The following CPXM2 variants were observed in gnomAD, a reference collection of about 807,000 sequenced individuals.
CPXM2 encodes the protein inactive carboxypeptidase-like protein X2.
CPXM2 carries 66 observed loss-of-function variants against 86.1 expected under a neutral mutation model. The observed-to-expected ratio is 0.77, with a 90% CI of 0.63 to 0.94. CPXM2 has a LOEUF of 0.94. CPXM2 is among the 40% of genes least tolerant of loss of function. CPXM2 has a pLI of 0.00. For synonymous variants in CPXM2, 388 were observed against 400.2 expected (o/e 0.97, Z 0.36); for missense variants, 948 against 1,026.3 (o/e 0.92, Z 1.04).
At chr10:123,783,313 G>A (rs986782281) in intron 6 of CPXM2, among the ~76,000 whole-genome samples, 1 of 152,140 alleles carries the variant, frequency 6.6e-6, no homozygotes, top group African/African-American at 2.4e-5. Context: ...TTTCTTGCAC[G>A]AGGTCCAGGA....
At chr10:123,911,548 G>A (rs967775399) in intron 2 of CPXM2, among the ~76,000 whole-genome samples, 9 of 151,642 alleles carry the variant, frequency 5.9e-5, no homozygotes, top group East Asian at 2.0e-4. Context: ...CATTACTTTC[G>A]CACCAACCTA....
chr10:123,869,414 G>A (rs1481321705), intron 2 of CPXM2, among the ~76,000 whole-genome samples: 1 of 152,150 alleles, frequency 6.6e-6, no homozygotes, highest in Non-Finnish European at 1.5e-5. Context: ...AAGAAAAAAG[G>A]ATCTAATCCT....
chr10:123,816,027 T>C (rs1421627268), intron 4 of CPXM2, among the ~76,000 whole-genome samples: 4 of 152,292 alleles, frequency 2.6e-5, no homozygotes, highest in East Asian at 3.9e-4. Context: ...GATTAGAAGA[T>C]GGCCCACTGT....
intron 2 of CPXM2, among the ~76,000 whole-genome samples, chr10:123,872,224 T>C (rs577716317): frequency 8.5e-5 from 13 of 152,294 alleles, no homozygotes; most frequent in African/African-American, 2.6e-4. Flanking sequence ...AAAAGACTTA[T>C]TCAAGAATAG....
chr10:123,866,658 C>A, intron 2 of CPXM2, among the ~76,000 whole-genome samples: 1 of 152,210 alleles, frequency 6.6e-6, no homozygotes, highest in Non-Finnish European at 1.5e-5. Flanking sequence ...TGGAGGCCCC[C>A]ATCAGGCAGG....
At chr10:123,809,123 A>G (rs1847638966) in intron 4 of CPXM2, among the ~76,000 whole-genome samples, 1 of 152,152 alleles carries the variant, frequency 6.6e-6, no homozygotes, top group South Asian at 2.1e-4. Context: ...CCCATTAGTC[A>G]CTTAGTGGCC....
chr10:123,917,183 C>T (rs1429455630), intron 2 of CPXM2, among the ~76,000 whole-genome samples: 1 of 152,184 alleles, frequency 6.6e-6, no homozygotes, highest in African/African-American at 2.4e-5. Context: ...CCAAAATATT[C>T]ATAACGTTCC....
At position 123,754,827 on chromosome 10, in the gene CPXM2, A is replaced by C; in HGVS notation, c.1918-65T>G. On this transcript the variant is annotated intron_variant, in intron 12 of 13. Coordinates refer to ENST00000241305, the MANE Select transcript of CPXM2 (RefSeq NM_198148.3). The surrounding 1 kb of genome is among the most constrained non-coding windows in gnomAD (Gnocchi z 4.0). ...CAGCTCTGGACACAACCGGCACAAC[A>C]GAGTGGGCTGTCAACCCACCATTGG... 1 of 899,064 alleles carries C rather than the reference A, an allele frequency of 1.1e-6. No homozygotes were observed. The highest frequency in any genetic ancestry group is 1.9e-6 in the Non-Finnish European group (1 of 531,918). The allele number at this position is 899,064 out of a possible 1,614,324, so 55.7% of individuals were successfully genotyped here. A position where few individuals can be genotyped will look rare whatever the true frequency, so the allele number is the denominator to read the frequency against.
Position 123,754,693 on chromosome 10 carries a change from C to T in CPXM2, c.1987G>A (p.Val663Ile), listed in dbSNP as rs138679076. Residue 663 changes from valine to isoleucine, a missense_variant, in exon 13 of 14, where the codon GTA becomes ATA. By Grantham distance (29) the Val-to-Ile change is conservative. Coordinates refer to ENST00000241305, the MANE Select transcript of CPXM2 (RefSeq NM_198148.3). The surrounding 1 kb of genome is among the most constrained non-coding windows in gnomAD (Gnocchi z 4.0). The part of the protein sequence containing the change: ...GKGIPNAIIS[V>I]EGINHDIRTA... The stretch of plus-strand genomic sequence containing the variant: ...CGGATGTCATGGTTAATGCCTTCTA[C>T]GGAGATAATGGCGTTTGGGATTCCT... The T allele has an allele frequency of 2.1e-5, 34 of 1,606,440 alleles. No homozygotes were observed. The highest frequency in any genetic ancestry group is 1.7e-4 in the Middle Eastern group (1 of 6,056).
At chr10:123,748,699 A>T (rs1045977991) in intron 13 of CPXM2, among the ~76,000 whole-genome samples, 2 of 152,112 alleles carry the variant, frequency 1.3e-5, no homozygotes, top group Non-Finnish European at 2.9e-5. Context: ...CTTCAACTAA[A>T]TAAAATGCCA....
intron 2 of CPXM2, among the ~76,000 whole-genome samples, chr10:123,864,956 G>A (rs376334556): frequency 1.5e-3 from 234 of 152,330 alleles, no homozygotes; most frequent in African/African-American, 5.3e-3. Context: ...ATGGGTGCAC[G>A]TCTAATAGCA....
chr10:123,856,203 C>T (rs1399521793), intron 3 of CPXM2, among the ~76,000 whole-genome samples: 1 of 152,140 alleles, frequency 6.6e-6, no homozygotes, highest in Non-Finnish European at 1.5e-5. Flanking sequence ...ATCCTGAGTC[C>T]CAACCACACA....
intron 2 of CPXM2, among the ~76,000 whole-genome samples, chr10:123,912,160 G>A (rs375049606): frequency 3.3e-5 from 5 of 152,018 alleles, no homozygotes; most frequent in African/African-American, 2.4e-5. Context: ...ATCGGTTTCA[G>A]GTGTTTTCTC....
At position 123,780,227 on chromosome 10, in the gene CPXM2, G is replaced by C. The variant is rs376249274; in HGVS notation, c.918C>G (p.Asn306Lys). 3 of 1,609,204 alleles carry C rather than the reference G, an allele frequency of 1.9e-6. No individual in the cohort carries two copies. The highest frequency in any genetic ancestry group is 1.3e-5 in the African/African-American group (1 of 74,808). Residue 306 changes from asparagine to lysine, a missense_variant, in exon 7 of 14, where the codon AAC becomes AAG. Coordinates refer to ENST00000241305, the MANE Select transcript of CPXM2 (RefSeq NM_198148.3). ...CCAGGTCATCAGTGGTGGTCATCTC[G>C]TTCCGGCGGTGATAATAATTATTAG... ...PDPNNYYHRR[N>K]EMTTTDDLDF...
At chr10:123,820,397 T>A (rs564195515) in intron 4 of CPXM2, among the ~76,000 whole-genome samples, 1 of 152,114 alleles carries the variant, frequency 6.6e-6, no homozygotes, top group Non-Finnish European at 1.5e-5. Flanking sequence ...GAGGAAGAGC[T>A]TGAGCTCATC....
rs1366410932 is a variant in CPXM2 at position 123,767,164 on chromosome 10, T to A, written c.1300-12A>T. 6.2e-7 allele frequency: 1 copy of A among 1,612,860 alleles called. No individual in the cohort carries two copies. Among genetic ancestry groups the A allele is most frequent in the Non-Finnish European group, 8.5e-7 (1 of 1,179,156 alleles). ...CCCAGCTCCGAGCCCTGGAGACAAG[T>A]GAGAGTGTGAAGAATGCACAGGCTG... is the stretch of plus-strand genomic sequence containing the variant. On this transcript the variant is annotated splice_polypyrimidine_tract_variant and intron_variant, in intron 9 of 13. Coordinates refer to ENST00000241305, the MANE Select transcript of CPXM2 (RefSeq NM_198148.3).
At chr10:123,765,951 A>C (rs1031504992) in intron 10 of CPXM2, among the ~76,000 whole-genome samples, 1 of 152,228 alleles carries the variant, frequency 6.6e-6, no homozygotes, top group African/African-American at 2.4e-5. Context: ...AGCTTGCAAT[A>C]TGCTTGTCTA....
chr10:123,898,008 G>A (rs1414836518), intron 2 of CPXM2, among the ~76,000 whole-genome samples: 1 of 152,232 alleles, frequency 6.6e-6, no homozygotes, highest in African/African-American at 2.4e-5. Flanking sequence ...CCAGGGCTGG[G>A]AGAGACCTCC....
At chr10:123,840,554 A>T (rs927513868) in intron 4 of CPXM2, among the ~76,000 whole-genome samples, 33 of 152,356 alleles carry the variant, frequency 2.2e-4, no homozygotes, top group African/African-American at 7.2e-4. Context: ...GCCATTAAAA[A>T]TAATCATTAC....
Sources: gnomAD v4.1 joint callset for allele counts (sites outside exome capture counted in the v4.1 genomes callset) on GRCh38, gnomAD v4.1.1 for gene constraint, Gnocchi (gnomAD v3.1) non-coding constraint, MANE v1.5 for transcripts, NCBI Gene and HGNC (gene_info 2026-07-23, HGNC 2026-07-21) for gene names.